The following RGS9 variants were observed in gnomAD, a reference collection of about 807,000 sequenced individuals.
RGS9 encodes regulator of G protein signaling 9.
Under a neutral mutation model 102.0 loss-of-function variants are expected in RGS9, and 78 were observed. The observed-to-expected ratio is 0.76, with a 90% CI of 0.64 to 0.92. RGS9 has a LOEUF of 0.92. Ranked by LOEUF, RGS9 falls within the 40% of genes least tolerant of loss-of-function variation. RGS9 has a pLI of 0.00. For synonymous variants in RGS9, 353 were observed against 318.6 expected, an observed-to-expected ratio of 1.11 and a Z score of -1.15; for missense variants, 833 against 866.1, an observed-to-expected ratio of 0.96 and a Z score of 0.48.
At chr17:65,215,544 CTTTT>C (rs1228869868) in intron 17 of RGS9, among the ~76,000 whole-genome samples, 2 of 105,144 alleles carry the variant, frequency 1.9e-5, no homozygotes, top group Admixed American at 9.0e-5. Context: ...TTCTTTCTTT[CTTTT>C]TTTTTGTTTT....
intron 1 of RGS9, among the ~76,000 whole-genome samples, chr17:65,152,760 G>A (rs976218164): frequency 1.3e-5 from 2 of 152,176 alleles, no homozygotes; most frequent in African/African-American, 4.8e-5. Context: ...GAAACTCCTG[G>A]GTTTAAGCGA....
chr17:65,183,869 C>T (rs542772604), intron 9 of RGS9, among the ~76,000 whole-genome samples: 1 of 152,208 alleles, frequency 6.6e-6, no homozygotes, highest in Non-Finnish European at 1.5e-5. Flanking sequence ...CTGCACCCTC[C>T]ATCCGGGGTT....
intron 9 of RGS9, among the ~76,000 whole-genome samples, chr17:65,182,818 G>A (rs1028943440): frequency 3.3e-5 from 5 of 152,140 alleles, no homozygotes; most frequent in Non-Finnish European, 2.9e-5. Context: ...TTGTACAGCC[G>A]CCCAAGACCC....
At chr17:65,196,953 T>G (rs910440015) in intron 12 of RGS9, among the ~76,000 whole-genome samples, 173 bp from the exon 13 acceptor site, 1 of 152,244 alleles carries the variant, frequency 6.6e-6, no homozygotes, top group Non-Finnish European at 1.5e-5. Flanking sequence ...GGGACTTGTC[T>G]GTGGCTGCAT....
intron 1 of RGS9, among the ~76,000 whole-genome samples, 169 bp from the exon 2 acceptor site, chr17:65,153,253 A>C (rs1910646845): frequency 6.6e-6 from 1 of 152,166 alleles, no homozygotes. Context: ...AGCACACCTT[A>C]GTCCTGGTTG....
intron 3 of RGS9, 123 bp downstream of exon 3, chr17:65,158,468 CT>C: frequency 1.1e-6 from 1 of 923,724 alleles, no homozygotes; most frequent in Non-Finnish European, 1.8e-6. Flanking sequence ...CAGACATGAC[CT>C]TCGTGTGTAA....
intron 18 of RGS9, among the ~76,000 whole-genome samples, chr17:65,226,346 G>T (rs6504282): frequency 0.14 from 20,611 of 152,168 alleles, 3,623 homozygotes; most frequent in African/African-American, 0.41. Context: ...TAGGTTGCCA[G>T]GGATACCCGG....
At chr17:65,217,399 G>A (rs1376720640) in intron 17 of RGS9, among the ~76,000 whole-genome samples, 1 of 152,208 alleles carries the variant, frequency 6.6e-6, no homozygotes, top group African/African-American at 2.4e-5. Context: ...CTGTAGCATA[G>A]CCCATCCTGC....
chr17:65,158,322 A>AG lies in RGS9; in HGVS notation c.183dup (p.Arg62AlafsTer36). The AG allele has an allele frequency of 6.2e-7, 1 of 1,614,206 alleles. No individual in the cohort carries two copies. Among genetic ancestry groups the AG allele is most frequent in the South Asian group, 1.1e-5 (1 of 91,076 alleles). ...AGTGATGTTCTGCAATGGATCGTCCAGCGGCTTTGGATCTCCAGTCTGGGT... is the reference window on the plus strand; with the variant it reads ...AGTGATGTTCTGCAATGGATCGTCCAGGCGGCTTTGGATCTCCAGTCTGGGT... On this transcript the variant is annotated frameshift_variant, in exon 3 of 19. Transcript: ENST00000262406. LOFTEE classifies it high-confidence loss of function.
At chr17:65,205,673 T>G (rs1355014460) in intron 15 of RGS9, among the ~76,000 whole-genome samples, 4 of 151,842 alleles carry the variant, frequency 2.6e-5, no homozygotes, top group Non-Finnish European at 5.9e-5. Context: ...CTATATGAGA[T>G]AGATTATATG....
chr17:65,191,715 C>G (rs532211578), intron 11 of RGS9, among the ~76,000 whole-genome samples: 24 of 152,148 alleles, frequency 1.6e-4, no homozygotes, highest in Admixed American at 5.2e-4. Flanking sequence ...CCACTGCACT[C>G]CAGCCTGGGA....
At chr17:65,161,024 C>G in intron 6 of RGS9, 115 bp downstream of exon 6, 1 of 845,784 alleles carries the variant, frequency 1.2e-6, no homozygotes, top group South Asian at 1.4e-5. Context: ...CATATGCAAT[C>G]CATCCAGCCA....
chr17:65,161,035 G>T (rs1462543961), intron 6 of RGS9, 126 bp downstream of exon 6: 1 of 770,566 alleles, frequency 1.3e-6, no homozygotes, highest in Admixed American at 2.0e-5. Context: ...CATCCAGCCA[G>T]CCAGCTAGCC....
At position 65,160,576 on chromosome 17, in the gene RGS9, A is replaced by G; in HGVS notation, c.353A>G (p.Asp118Gly). ...CCCACCCAGCAGTGGCCAGCTGAAGATACCGATTACGGTAAATACTTCAGC... is the reference window on the plus strand; with the variant it reads ...CCCACCCAGCAGTGGCCAGCTGAAGGTACCGATTACGGTAAATACTTCAGC... ...FWPTQQWPAE[D>G]TDYAIYLAKR... Residue 118 changes from aspartate to glycine, a missense_variant, in exon 5 of 19, where the codon GAT becomes GGT. Transcript: ENST00000262406. The G allele has an allele frequency of 6.2e-7, 1 of 1,614,154 alleles. No homozygotes were observed. Among genetic ancestry groups the G allele is most frequent in the South Asian group, 1.1e-5 (1 of 91,078 alleles).
intron 17 of RGS9, among the ~76,000 whole-genome samples, chr17:65,217,104 G>A (rs1913547993): frequency 6.6e-6 from 1 of 152,190 alleles, no homozygotes; most frequent in Admixed American, 6.5e-5. Context: ...CTGAGAAGAT[G>A]GGTGGGGGAT....
At chr17:65,178,853 C>T (rs139481594) in intron 9 of RGS9, among the ~76,000 whole-genome samples, 142 of 152,274 alleles carry the variant, frequency 9.3e-4, no homozygotes, top group African/African-American at 3.3e-3. Flanking sequence ...TTAGAATGTT[C>T]AGCAGCATCC....
chr17:65,138,371 T>C (rs1909995307), intron 1 of RGS9, among the ~76,000 whole-genome samples: 1 of 152,216 alleles, frequency 6.6e-6, no homozygotes, highest in Admixed American at 6.5e-5. Context: ...AGTGTCCATC[T>C]TCTTAGGCTT....
intron 9 of RGS9, among the ~76,000 whole-genome samples, chr17:65,188,107 G>GACACAACCAAACCTA (rs1424213616): frequency 1.3e-5 from 2 of 151,964 alleles, no homozygotes; most frequent in African/African-American, 4.8e-5. Context: ...ACTGAGGCTG[G>GACACAACCAAACCTA]GATCACCACC....
chr17:65,187,302 A>T (rs1232462702), intron 9 of RGS9, among the ~76,000 whole-genome samples: 1 of 152,198 alleles, frequency 6.6e-6, no homozygotes, highest in African/African-American at 2.4e-5. Flanking sequence ...TTAAACAAAG[A>T]GTCACACAAA....
Sources: gnomAD v4.1 joint callset for allele counts (sites outside exome capture counted in the v4.1 genomes callset) on GRCh38, gnomAD v4.1.1 for gene constraint, MANE v1.5 for transcripts, NCBI Gene and HGNC (gene_info 2026-07-23, HGNC 2026-07-21) for gene names.